TEF: variants seen among roughly 807,000 people sequenced by gnomAD.
TEF encodes TEF transcription factor, PAR bZIP family member, also known as thyrotroph embryonic factor.
TEF carries 3 observed loss-of-function variants against 20.8 expected under a neutral mutation model. The observed-to-expected ratio is 0.14, with a 90% CI of 0.07 to 0.37. TEF has a LOEUF of 0.37. Among genes scored for constraint, TEF ranks in the 10% least tolerant of loss-of-function variants. The probability of loss-of-function intolerance (pLI) is 1.00; values close to 1 mark genes in which losing one functional copy is unlikely to be tolerated. For missense variants in TEF, 296 were observed against 397.9 expected (o/e 0.74, Z 2.18); for synonymous variants, 180 against 171.1 (o/e 1.05, Z -0.41).
intron 2 of TEF, among the ~76,000 whole-genome samples, chr22:41,391,238 G>T (rs372553127): frequency 6.6e-6 from 1 of 152,128 alleles, no homozygotes; most frequent in African/African-American, 2.4e-5. Context: ...CAGGATAAAA[G>T]TCAGAATCAG....
At chr22:41,384,663 G>A (rs1392769059) in intron 1 of TEF, among the ~76,000 whole-genome samples, 1 of 152,098 alleles carries the variant, frequency 6.6e-6, no homozygotes, top group Admixed American at 6.5e-5. Context: ...CCCTTGTTGG[G>A]CCCTTGAGAT....
chr22:41,388,946 C>G (rs892487567), intron 2 of TEF, among the ~76,000 whole-genome samples: 1 of 152,036 alleles, frequency 6.6e-6, no homozygotes, highest in Non-Finnish European at 1.5e-5. Flanking sequence ...TTCAACAATT[C>G]TCAACTCAGA....
intron 2 of TEF, among the ~76,000 whole-genome samples, chr22:41,392,310 A>G (rs941857915): frequency 2.0e-5 from 3 of 152,158 alleles, no homozygotes; most frequent in African/African-American, 7.2e-5. Flanking sequence ...ATTGCTTATC[A>G]TCTGTGTGAC....
At chr22:41,371,866 T>C (rs376891107) in intron 1 of TEF, among the ~76,000 whole-genome samples, 185 of 152,114 alleles carry the variant, frequency 1.2e-3, no homozygotes, top group African/African-American at 4.3e-3. Flanking sequence ...AGGATCTCAG[T>C]AGGACTTGCT....
chr22:41,388,203 G>A (rs1185520902), intron 2 of TEF, among the ~76,000 whole-genome samples: 1 of 151,628 alleles, frequency 6.6e-6, no homozygotes, highest in Non-Finnish European at 1.5e-5. Flanking sequence ...TCATCATGTT[G>A]GCCAGGCTGG....
At chr22:41,371,825 C>T (rs1354574537) in intron 1 of TEF, among the ~76,000 whole-genome samples, 1 of 152,180 alleles carries the variant, frequency 6.6e-6, no homozygotes, top group Non-Finnish European at 1.5e-5. Context: ...CTGCCCTGCA[C>T]CCAATGGGAC....
chr22:41,394,396 A>G lies in TEF; in HGVS notation c.696+80A>G, dbSNP rs2037203239. The G allele has an allele frequency of 2.2e-6, 3 of 1,352,384 alleles. No individual in the cohort carries two copies. The African/African-American group carries it at 4.4e-5, about 20-fold the overall frequency. The allele number at this position is 1,352,384 out of a possible 1,614,324, so 83.8% of individuals were successfully genotyped here. On this transcript the variant is annotated intron_variant, in intron 3 of 3. Transcript: ENST00000266304. The stretch of plus-strand genomic sequence containing the variant: ...GATATGGCTCCTCGCATTTGATTTT[A>G]TCTGGAGAGCCTTCCCTCCTTGTGA...
At chr22:41,373,790 C>T (rs1191430317) in intron 1 of TEF, among the ~76,000 whole-genome samples, 1 of 125,082 alleles carries the variant, frequency 8.0e-6, no homozygotes, top group Non-Finnish European at 1.6e-5. Flanking sequence ...TTTTTGGAGA[C>T]GGAGTCTCCG....
Position 41,382,178 on chromosome 22 carries a change from A to AC in TEF, c.140dup (p.Arg48AlafsTer7). 9.9e-7 allele frequency: 1 copy of AC among 1,008,592 alleles called. No homozygotes were observed. The highest frequency in any genetic ancestry group is 1.2e-6 in the Non-Finnish European group (1 of 855,322). The allele number at this position is 1,008,592 out of a possible 1,614,324, so 62.5% of individuals were successfully genotyped here. ...CTGGTCCTGAAGAAGCTGATGGAGA[A>AC]CCCCCCGCGCGAGGCGCGCCTCGGT... On this transcript the variant is annotated frameshift_variant, in exon 1 of 4. Coordinates refer to ENST00000266304, the MANE Select transcript of TEF (RefSeq NM_003216.4). LOFTEE classifies it high-confidence loss of function.
chr22:41,394,078 T>C lies in TEF; in HGVS notation c.476-18T>C, dbSNP rs1482097776. On this transcript the variant is annotated intron_variant, in intron 2 of 3. Transcript: ENST00000266304. ...TCCAGTGGGCTGCTTCGGGACCACC[T>C]GTCTCTGTGTCTTTTAGAATCTTCC... 2 of 1,611,614 alleles carry C rather than the reference T, an allele frequency of 1.2e-6. No homozygotes were observed. Among genetic ancestry groups the C allele is most frequent in the Non-Finnish European group, 8.5e-7 (1 of 1,178,360 alleles).
intron 2 of TEF, among the ~76,000 whole-genome samples, chr22:41,391,863 C>T (rs1287676403): frequency 6.6e-6 from 1 of 151,908 alleles, no homozygotes; most frequent in Non-Finnish European, 1.5e-5. Flanking sequence ...CCTCGTGATC[C>T]ACACGCCTCG....
At chr22:41,386,880 C>G (rs2037103895) in intron 1 of TEF, among the ~76,000 whole-genome samples, 1 of 151,714 alleles carries the variant, frequency 6.6e-6, no homozygotes, top group Non-Finnish European at 1.5e-5. Flanking sequence ...CCCATCTCTA[C>G]TAAAAATACA....
chr22:41,369,290 C>CTGGGGATTA, intron 1 of TEF: 1 of 975,176 alleles, frequency 1.0e-6, no homozygotes, highest in Non-Finnish European at 1.2e-6. Flanking sequence ...AAAGTCAGGG[C>CTGGGGATTA]CTGGCACATA....
chr22:41,375,723 C>CAAA (rs200212380), intron 1 of TEF, among the ~76,000 whole-genome samples: 4 of 74,756 alleles, frequency 5.4e-5, no homozygotes, highest in African/African-American at 1.4e-4. Flanking sequence ...GACTCTGTCT[C>CAAA]AAAAAAAAAA....
upstream of TEF, among the ~76,000 whole-genome samples, chr22:41,380,401 C>CA (rs1229411920): frequency 6.6e-6 from 1 of 152,182 alleles, no homozygotes; most frequent in East Asian, 1.9e-4. Flanking sequence ...GGTGATCCGC[C>CA]ACCTCTGCCT....
chr22:41,380,583 G>A (rs951012075), upstream of TEF, among the ~76,000 whole-genome samples: 1 of 152,172 alleles, frequency 6.6e-6, no homozygotes, highest in Non-Finnish European at 1.5e-5. Flanking sequence ...TAGAAGGGCT[G>A]GGCCACTGTA....
chr22:41,395,703 G>A (rs370407963), intron 3 of TEF, 42 bp from the exon 4 acceptor site: 22 of 1,599,804 alleles, frequency 1.4e-5, no homozygotes, highest in African/African-American at 9.4e-5. Context: ...GGGTTCTCTC[G>A]TGGGGAAAGA....
chr22:41,392,694 A>T (rs868294814), intron 2 of TEF, among the ~76,000 whole-genome samples: 4,043 of 144,670 alleles, frequency 0.028, 94 homozygotes, highest in Non-Finnish European at 0.048. Flanking sequence ...AAAAAAAAAA[A>T]GACTAAGTGA....
chr22:41,372,151 T>C (rs139171663), intron 1 of TEF, among the ~76,000 whole-genome samples: 1 of 152,298 alleles, frequency 6.6e-6, no homozygotes, highest in African/African-American at 2.4e-5. Context: ...AAATGGTATA[T>C]TTCCCCTGTT....
Sources: gnomAD v4.1 joint callset for allele counts (sites outside exome capture counted in the v4.1 genomes callset) on GRCh38, gnomAD v4.1.1 for gene constraint, MANE v1.5 for transcripts, NCBI Gene and HGNC (gene_info 2026-07-23, HGNC 2026-07-21) for gene names.